RUSC2: variants seen among roughly 807,000 people sequenced by gnomAD.
RUSC2 encodes RUN and SH3 domain containing 2.
A neutral mutation model predicts 122.2 loss-of-function variants in RUSC2; 34 were observed. That is an observed-to-expected ratio of 0.28 (90% confidence interval 0.21 to 0.37). The LOEUF is 0.37. Ranked by LOEUF, RUSC2 falls within the 10% of genes least tolerant of loss-of-function variation. RUSC2 has a pLI of 1.00. For missense variants in RUSC2, 1,747 were observed against 1,952.4 expected (o/e 0.89, Z 1.98); for synonymous variants, 784 against 790.0 (o/e 0.99, Z 0.13).
chr9:35,558,235 C>T lies in RUSC2; in HGVS notation c.3099C>T (p.Gly1033=), dbSNP rs763597537. The T allele has an allele frequency of 1.2e-5, 19 of 1,613,946 alleles. No homozygotes were observed. Among genetic ancestry groups the T allele is most frequent in the Admixed American group, 3.3e-5 (2 of 60,018 alleles). The change falls in exon 7 of 12, where the codon GGC becomes GGT. Residue 1033 remains glycine (G), a synonymous_variant. Coordinates refer to ENST00000361226, the MANE Select transcript of RUSC2 (RefSeq NM_014806.5). This position sits in a 1 kb window ranked among gnomAD's most constrained non-coding sequence, Gnocchi z 4.3. ...ACAGTTCTGTGAGCCCCAATGTGGG[C>T]CACCTGGTTCTGAAGTACTTGTGCC... ...LGNSSVSPNV[G]HLVLKYLCPA...
At position 35,557,859 on chromosome 9, in the gene RUSC2, C is replaced by A; in HGVS notation, c.2984-55C>A. 6.7e-7 allele frequency: 1 copy of A among 1,500,652 alleles called. No individual in the cohort carries two copies. The highest frequency in any genetic ancestry group is 9.3e-7 in the Non-Finnish European group (1 of 1,076,444). The allele number at this position is 1,500,652 out of a possible 1,614,324, so 93.0% of individuals were successfully genotyped here. On this transcript the variant is annotated intron_variant, in intron 5 of 11. Coordinates refer to ENST00000361226, the MANE Select transcript of RUSC2 (RefSeq NM_014806.5). The surrounding 1 kb of genome is among the most constrained non-coding windows in gnomAD (Gnocchi z 4.6). ...AGGAAACCTGAGGTTTCAGCCCCAG[C>A]TGAGTTGGTTAAGGACTTGCTCAGG...
intron 1 of RUSC2, among the ~76,000 whole-genome samples, chr9:35,503,005 C>T (rs1002086461): frequency 1.3e-5 from 2 of 152,038 alleles, no homozygotes; most frequent in Admixed American, 6.6e-5. Flanking sequence ...GGATTACAGG[C>T]ATGCAACACC....
At chr9:35,519,523 G>T (rs772512256) in intron 1 of RUSC2, among the ~76,000 whole-genome samples, 12 of 152,178 alleles carry the variant, frequency 7.9e-5, no homozygotes, top group Non-Finnish European at 1.2e-4. Flanking sequence ...GGCTCCCAGG[G>T]CCAGCCTACC....
rs183728111 is a variant in RUSC2 at position 35,558,350 on chromosome 9, G to C, written c.3214G>C (p.Val1072Leu). 1 of 1,614,164 alleles carries C rather than the reference G, an allele frequency of 6.2e-7. No individual in the cohort carries two copies. Residue 1072 changes from valine (V) to leucine (L), a missense_variant, in exon 7 of 12, where the codon GTT (valine) becomes CTT (leucine). Coordinates refer to ENST00000361226, the MANE Select transcript of RUSC2 (RefSeq NM_014806.5). The surrounding 1 kb of genome is among the most constrained non-coding windows in gnomAD (Gnocchi z 4.3). ...GQRKNMPWSVVEASTQLGPST... is the reference protein window; with the variant it reads ...GQRKNMPWSVLEASTQLGPST... Reference sequence around the variant, plus strand: ...GCGTAAGAACATGCCATGGAGTGTGGTTGAGGCTTCCACACAGCTAGGTAG... The same window carrying C: ...GCGTAAGAACATGCCATGGAGTGTGCTTGAGGCTTCCACACAGCTAGGTAG...
At chr9:35,506,676 A>G (rs1820922475) in intron 1 of RUSC2, among the ~76,000 whole-genome samples, 1 of 152,218 alleles carries the variant, frequency 6.6e-6, no homozygotes, top group Non-Finnish European at 1.5e-5. Context: ...TTTTAGCCCT[A>G]TGAACAAGTT....
intron 1 of RUSC2, among the ~76,000 whole-genome samples, chr9:35,503,331 G>C (rs1820852305): frequency 6.6e-6 from 1 of 152,086 alleles, no homozygotes; most frequent in South Asian, 2.1e-4. Context: ...TCATAGTTTA[G>C]CTCCTACTAT....
At chr9:35,494,341 C>G (rs569409549) in intron 1 of RUSC2, among the ~76,000 whole-genome samples, 1 of 152,156 alleles carries the variant, frequency 6.6e-6, no homozygotes, top group East Asian at 1.9e-4. Context: ...TGGCGCACAC[C>G]TATAATCCCT....
rs533947267 is a variant in RUSC2 at position 35,552,585 on chromosome 9, AAAGTT to A, written c.2015-2471_2015-2467del. Among the ~76,000 whole-genome samples, 52 of 152,292 alleles carry A rather than the reference AAAGTT, an allele frequency of 3.4e-4. 1 individual carries two copies. In the East Asian group the frequency reaches 9.7e-3, roughly 28 times the overall value. On this transcript the variant is annotated intron_variant, in intron 2 of 11. Transcript: ENST00000361226. ...AGTCAGCAGTTGGTAGAGCTTCCAA[AAAGTT>A]AAGATGACTGGATTCATTCATAGAC...
In RUSC2 at chr9:35,561,470, C is replaced by A; in HGVS notation, c.*88C>A. On this transcript the variant is annotated 3_prime_UTR_variant, in exon 12 of 12. Coordinates refer to ENST00000361226, the MANE Select transcript of RUSC2 (RefSeq NM_014806.5). ...CCTTCCCAAGCCATTGGCTTGGCTG[C>A]AGAGTAGACTGAGAGCTGGGGCCAC... 6.2e-6 allele frequency: 7 copies of A among 1,136,696 alleles called. No homozygotes were observed. Among genetic ancestry groups the A allele is most frequent in the Non-Finnish European group, 7.6e-6 (6 of 790,374 alleles). The allele number at this position is 1,136,696 out of a possible 1,614,324, so 70.4% of individuals were successfully genotyped here. A position where few individuals can be genotyped will look rare whatever the true frequency, so the allele number is the denominator to read the frequency against.
intron 1 of RUSC2, among the ~76,000 whole-genome samples, chr9:35,503,036 AT>A (rs1820845640): frequency 6.6e-6 from 1 of 151,910 alleles, no homozygotes; most frequent in Admixed American, 6.6e-5. Flanking sequence ...AATGTTTTGT[AT>A]TTTTAGTAGA....
At chr9:35,545,660 T>C (rs1315282673) in intron 1 of RUSC2, among the ~76,000 whole-genome samples, 1 of 152,226 alleles carries the variant, frequency 6.6e-6, no homozygotes, top group African/African-American at 2.4e-5. Context: ...CTTTCACGTT[T>C]ATCTTGTGTG....
At chr9:35,553,469 T>G (rs1821942293) in intron 2 of RUSC2, among the ~76,000 whole-genome samples, 1 of 152,152 alleles carries the variant, frequency 6.6e-6, no homozygotes, top group South Asian at 2.1e-4. Context: ...ATAAACACAT[T>G]AAAAGGACAA....
At chr9:35,539,272 A>C (rs989278446) in intron 1 of RUSC2, among the ~76,000 whole-genome samples, 18 of 152,232 alleles carry the variant, frequency 1.2e-4, no homozygotes, top group African/African-American at 4.3e-4. Context: ...CAAGCATTAG[A>C]CAAGCTCATT....
Position 35,547,818 on chromosome 9 carries a change from C to G in RUSC2, c.1297C>G (p.Pro433Ala), listed in dbSNP as rs1780055695. 4 of 1,611,902 alleles carry G rather than the reference C, an allele frequency of 2.5e-6. No individual in the cohort carries two copies. In the Admixed American group the frequency reaches 5.0e-5, roughly 20 times the overall value. Residue 433 changes from proline (P) to alanine (A), a missense_variant, in exon 2 of 12, where the codon CCT becomes GCT. Pro to Ala is a conservative substitution (Grantham distance 27, BLOSUM62 -1). Transcript: ENST00000361226. This position sits in a 1 kb window ranked among gnomAD's most constrained non-coding sequence, Gnocchi z 4.6. ...EHTKISPPPG[P>A]GPDPGPSQPS... ...CACCAAGATAAGTCCCCCACCAGGC[C>G]CTGGCCCAGACCCAGGCCCCAGCCA...
intron 1 of RUSC2, among the ~76,000 whole-genome samples, chr9:35,542,852 GT>G (rs1437899207): frequency 6.6e-6 from 1 of 152,162 alleles, no homozygotes; most frequent in African/African-American, 2.4e-5. Context: ...CTGTACATCA[GT>G]TTTTCCATAT....
chr9:35,523,291 T>A lies in RUSC2; in HGVS notation c.-92-23139T>A, dbSNP rs547815969. On this transcript the variant is annotated intron_variant, in intron 1 of 11. Coordinates refer to ENST00000361226, the MANE Select transcript of RUSC2 (RefSeq NM_014806.5). The stretch of plus-strand genomic sequence containing the variant: ...ACATAAGTGAAAAAAGCAGCCACAT[T>A]CAAATAAAGTCTGCCAGTTCAGTTA... Among the ~76,000 whole-genome samples, 6 of 152,360 alleles carry A rather than the reference T, an allele frequency of 3.9e-5. No homozygotes were observed. In the South Asian group the frequency reaches 1.0e-3, roughly 26 times the overall value.
intron 1 of RUSC2, among the ~76,000 whole-genome samples, chr9:35,534,852 G>A (rs1021118842): frequency 6.6e-6 from 1 of 152,122 alleles, no homozygotes; most frequent in Admixed American, 6.5e-5. Context: ...ATATATTCTG[G>A]ATAGAAATCC....
At chr9:35,515,685 C>T (rs982816377) in intron 1 of RUSC2, among the ~76,000 whole-genome samples, 3 of 151,884 alleles carry the variant, frequency 2.0e-5, no homozygotes, top group Non-Finnish European at 4.4e-5. Flanking sequence ...CTACTTTGCA[C>T]GGTTATCATG....
At chr9:35,531,161 T>G (rs1303798409) in intron 1 of RUSC2, among the ~76,000 whole-genome samples, 3 of 151,964 alleles carry the variant, frequency 2.0e-5, no homozygotes, top group Non-Finnish European at 4.4e-5. Flanking sequence ...CTCGGGAGGC[T>G]GAGGCAGGAG....
Sources: gnomAD v4.1 joint callset for allele counts (sites outside exome capture counted in the v4.1 genomes callset) on GRCh38, gnomAD v4.1.1 for gene constraint, Gnocchi (gnomAD v3.1) non-coding constraint, MANE v1.5 for transcripts, NCBI Gene and HGNC (gene_info 2026-07-23, HGNC 2026-07-21) for gene names.